UBE2R2: variants seen among roughly 807,000 people sequenced by gnomAD.
UBE2R2 encodes ubiquitin-conjugating enzyme E2 R2.
UBE2R2 carries 1 observed loss-of-function variant against 27.8 expected under a neutral mutation model. That is an observed-to-expected ratio of 0.04 (90% CI 0.01 to 0.17). UBE2R2 has a LOEUF of 0.17. Among genes scored for constraint, UBE2R2 ranks in the 10% least tolerant of loss-of-function variants. UBE2R2 has a pLI of 1.00. For synonymous variants in UBE2R2, 106 were observed against 113.3 expected (o/e 0.94, Z 0.41); for missense variants, 100 against 291.0 (o/e 0.34, Z 4.78).
chr9:33,879,788 TTTAA>T (rs937449768), intron 1 of UBE2R2, among the ~76,000 whole-genome samples: 1 of 149,756 alleles, frequency 6.7e-6, no homozygotes, highest in Non-Finnish European at 1.5e-5. Context: ...CGATGTTTTG[TTTAA>T]TTGATTTCTG....
intron 1 of UBE2R2, among the ~76,000 whole-genome samples, chr9:33,818,373 G>C (rs1825876851): frequency 1.4e-5 from 2 of 141,426 alleles, no homozygotes; most frequent in South Asian, 5.0e-4. Context: ...TTTGGGGGGT[G>C]GGGGTGGGGG....
At chr9:33,866,527 C>G (rs1213533879) in intron 1 of UBE2R2, among the ~76,000 whole-genome samples, 1 of 152,250 alleles carries the variant, frequency 6.6e-6, no homozygotes, top group African/African-American at 2.4e-5. Context: ...GCGTGAGTCA[C>G]CGCACCCAGC....
intron 3 of UBE2R2, among the ~76,000 whole-genome samples, chr9:33,901,411 T>C (rs960170970): frequency 4.6e-5 from 7 of 152,222 alleles, no homozygotes; most frequent in South Asian, 2.1e-4. Flanking sequence ...AGTTGCTCTT[T>C]CCTGAACTTT....
At chr9:33,840,721 A>G (rs1329322036) in intron 1 of UBE2R2, among the ~76,000 whole-genome samples, 1 of 151,924 alleles carries the variant, frequency 6.6e-6, no homozygotes, top group African/African-American at 2.4e-5. Flanking sequence ...TGACATTCTA[A>G]TTGTGTGGGT....
chr9:33,830,221 G>C (rs1225335995), intron 1 of UBE2R2, among the ~76,000 whole-genome samples: 2 of 144,294 alleles, frequency 1.4e-5, no homozygotes, highest in Non-Finnish European at 3.0e-5. Flanking sequence ...GCAGTTGCGT[G>C]ACCTCAGCTC....
At position 33,912,109 on chromosome 9, in the gene UBE2R2, T is replaced by C; in HGVS notation, c.497+11T>C. ...TGCTGAAATTATTAGGTAAGGTTTT[T>C]TTTTTTATTACCTCAAGTTATACAA... On this transcript the variant is annotated intron_variant, in intron 4 of 4. Transcript: ENST00000263228. The C allele has an allele frequency of 6.3e-7, 1 of 1,599,028 alleles. No individual in the cohort carries two copies.
At chr9:33,892,805 G>A (rs1822018801) in intron 2 of UBE2R2, among the ~76,000 whole-genome samples, 1 of 152,064 alleles carries the variant, frequency 6.6e-6, no homozygotes, top group South Asian at 2.1e-4. Flanking sequence ...TTATTAAAAA[G>A]AATCCTGGAA....
At chr9:33,865,835 G>GTTTTTTTTTTTTTTTTTTTTTT (rs1266518240) in intron 1 of UBE2R2, among the ~76,000 whole-genome samples, 1 of 137,022 alleles carries the variant, frequency 7.3e-6, no homozygotes. Flanking sequence ...GTTTTTTTTT[G>GTTTTTTTTTTTTTTTTTTTTTT]TTTTTTTTTT....
intron 1 of UBE2R2, among the ~76,000 whole-genome samples, chr9:33,885,801 A>G (rs1189956564): frequency 3.3e-5 from 5 of 152,094 alleles, no homozygotes; most frequent in Non-Finnish European, 1.5e-5. Context: ...ATTTTTGGCA[A>G]TTTTCCCATT....
At chr9:33,877,877 T>A (rs556566604) in intron 1 of UBE2R2, among the ~76,000 whole-genome samples, 1 of 114,272 alleles carries the variant, frequency 8.8e-6, no homozygotes, top group South Asian at 3.4e-4. Flanking sequence ...TTCCTCAGCC[T>A]CCTGAATAGC....
intron 1 of UBE2R2, among the ~76,000 whole-genome samples, chr9:33,824,634 G>A (rs1250703937): frequency 7.2e-6 from 1 of 138,862 alleles, no homozygotes; most frequent in African/African-American, 2.7e-5. Flanking sequence ...GCGAGGCTCT[G>A]TCTCAAAAAA....
At chr9:33,864,252 T>C (rs1337882942) in intron 1 of UBE2R2, among the ~76,000 whole-genome samples, 1 of 152,156 alleles carries the variant, frequency 6.6e-6, no homozygotes, top group Admixed American at 6.5e-5. Context: ...TCTTTCCTTG[T>C]GGTGGAAAGC....
chr9:33,816,773 G>A (rs1825772485), upstream of UBE2R2, among the ~76,000 whole-genome samples: 1 of 152,244 alleles, frequency 6.6e-6, no homozygotes, highest in South Asian at 2.1e-4. Flanking sequence ...GGCTGCGGAG[G>A]CCCCTGGATC....
chr9:33,851,985 A>G (rs1820978305), intron 1 of UBE2R2, among the ~76,000 whole-genome samples: 1 of 152,156 alleles, frequency 6.6e-6, no homozygotes, highest in Non-Finnish European at 1.5e-5. Flanking sequence ...ATTGGTAGTA[A>G]GACTCCACCG....
At chr9:33,873,960 T>C (rs12555139) in intron 1 of UBE2R2, among the ~76,000 whole-genome samples, 1,937 of 151,850 alleles carry the variant, frequency 0.013, 21 homozygotes, top group South Asian at 0.052. Context: ...ATTTTTTTTT[T>C]TTTTTTGGAT....
chr9:33,864,551 C>A (rs1338623573), intron 1 of UBE2R2, among the ~76,000 whole-genome samples: 1 of 152,002 alleles, frequency 6.6e-6, no homozygotes, highest in Non-Finnish European at 1.5e-5. Flanking sequence ...TCTAAATATT[C>A]TTAATTTACT....
upstream of UBE2R2, among the ~76,000 whole-genome samples, chr9:33,815,641 G>A (rs933827955): frequency 1.7e-4 from 26 of 152,184 alleles, 1 homozygote; most frequent in African/African-American, 5.1e-4. Context: ...CTACTTGGGA[G>A]ACTGAGGTTA....
intron 1 of UBE2R2, among the ~76,000 whole-genome samples, chr9:33,859,960 C>T (rs967878803): frequency 2.0e-5 from 3 of 152,010 alleles, no homozygotes; most frequent in Non-Finnish European, 4.4e-5. Flanking sequence ...GCATGAACCA[C>T]CATGTCCAGC....
chr9:33,915,267 T>C (rs1822615145), intron 4 of UBE2R2, among the ~76,000 whole-genome samples: 1 of 152,194 alleles, frequency 6.6e-6, no homozygotes, highest in African/African-American at 2.4e-5. Context: ...GATTTATTAT[T>C]TTAAGAAGCA....
Sources: allele counts gnomAD v4.1 joint callset (sites outside exome capture counted in the v4.1 genomes callset), GRCh38; gene constraint gnomAD v4.1.1; transcripts MANE v1.5; gene names NCBI Gene and HGNC (gene_info 2026-07-23, HGNC 2026-07-21).